The following ITPR1 variants were observed in gnomAD, a reference collection of about 807,000 sequenced individuals.
ITPR1 encodes inositol 1,4,5-trisphosphate receptor type 1, also known as inositol 1,4,5-trisphosphate-gated calcium channel ITPR1.
A neutral mutation model predicts 318.4 loss-of-function variants in ITPR1; 96 were observed. The ratio of observed to expected loss-of-function variants is 0.30; its 90% confidence interval spans 0.26 to 0.36. ITPR1 has a LOEUF of 0.36. Ranked by LOEUF, ITPR1 falls within the 10% of genes least tolerant of loss-of-function variation. The pLI, the probability that ITPR1 is intolerant of heterozygous loss-of-function variation, is 1.00. For missense variants in ITPR1, 2,440 were observed against 3,460.2 expected (o/e 0.71, Z 7.40); for synonymous variants, 1,312 against 1,289.9 (o/e 1.02, Z -0.37).
chr3:4,521,608 G>C (rs532155505), intron 4 of ITPR1, among the ~76,000 whole-genome samples: 1 of 152,276 alleles, frequency 6.6e-6, no homozygotes, highest in East Asian at 1.9e-4. Context: ...TCAGCACTTT[G>C]GGAGGCCAGG....
intron 4 of ITPR1, among the ~76,000 whole-genome samples, chr3:4,543,265 A>AAAAAAAAAGAG (rs1024963790): frequency 1.3e-5 from 2 of 151,858 alleles, no homozygotes; most frequent in Non-Finnish European, 1.5e-5. Context: ...CTGTCTCAAA[A>AAAAAAAAAGAG]AAAAAAAAGA....
At chr3:4,716,824 A>G (rs1038707604) in intron 39 of ITPR1, among the ~76,000 whole-genome samples, 2 of 152,194 alleles carry the variant, frequency 1.3e-5, no homozygotes, top group East Asian at 1.9e-4. Context: ...TAATCATCCT[A>G]GAGGGAATAT....
At chr3:4,620,972 C>A (rs765579331) in intron 4 of ITPR1, among the ~76,000 whole-genome samples, 1 of 151,796 alleles carries the variant, frequency 6.6e-6, no homozygotes, top group Non-Finnish European at 1.5e-5. Flanking sequence ...ATATTTTCAA[C>A]TTACTAGTTG....
chr3:4,814,055 G>T (rs559022027), intron 57 of ITPR1, among the ~76,000 whole-genome samples: 2 of 152,188 alleles, frequency 1.3e-5, no homozygotes, highest in African/African-American at 4.8e-5. Context: ...GTGTCCTGTG[G>T]CATAACCCTC....
At chr3:4,688,451 C>G (rs1172956413) in intron 30 of ITPR1, 44 bp from the exon 31 acceptor site, 54 of 1,608,940 alleles carry the variant, frequency 3.4e-5, no homozygotes, top group Non-Finnish European at 4.6e-5. Flanking sequence ...AAGCTGGTCT[C>G]CTGGCCCAGC....
rs71053444 is a variant in ITPR1, at chr3:4,789,596, G to GTTTTGTTTTTGT, written c.6808+1486_6808+1497dup. Among the ~76,000 whole-genome samples the GTTTTGTTTTTGT allele has an allele frequency of 1.7e-3, 181 of 108,202 alleles. 1 individual carries two copies. Among genetic ancestry groups the GTTTTGTTTTTGT allele is most frequent in the African/African-American group, 2.8e-3 (85 of 30,750 alleles). The allele number at this position is 108,202 out of a possible 152,430, so 71.0% of individuals were successfully genotyped here. On this transcript the variant is annotated intron_variant, in intron 52 of 61. Coordinates refer to ENST00000649015, the MANE Select transcript of ITPR1 (RefSeq NM_001378452.1). ...CAGCTTTAGGGAATAATCCTGAGGT[G>GTTTTGTTTTTGT]TTTTGTTTTTGTTTTTGTTTTTGTT...
intron 4 of ITPR1, among the ~76,000 whole-genome samples, chr3:4,605,908 G>T (rs760094613): frequency 7.9e-5 from 12 of 152,158 alleles, no homozygotes; most frequent in Non-Finnish European, 1.6e-4. Context: ...GCAACAGGGA[G>T]TGGGGCCGAC....
At chr3:4,594,099 T>G (rs1053589229) in intron 4 of ITPR1, among the ~76,000 whole-genome samples, 1 of 152,170 alleles carries the variant, frequency 6.6e-6, no homozygotes, top group Non-Finnish European at 1.5e-5. Context: ...GACTTCGGGC[T>G]TGTTCATTGG....
chr3:4,573,119 A>G (rs1212205302), intron 4 of ITPR1, among the ~76,000 whole-genome samples: 2 of 152,166 alleles, frequency 1.3e-5, no homozygotes, highest in Admixed American at 6.6e-5. Context: ...CGGAATTACT[A>G]GATTATATAG....
intron 4 of ITPR1, among the ~76,000 whole-genome samples, chr3:4,544,559 T>G (rs777653008): frequency 5.3e-5 from 8 of 152,258 alleles, no homozygotes; most frequent in Non-Finnish European, 1.0e-4. Context: ...TTTCTGCTTT[T>G]TGTTAGTGAT....
At chr3:4,792,859 C>A (rs2047660211) in intron 52 of ITPR1, among the ~76,000 whole-genome samples, 1 of 152,116 alleles carries the variant, frequency 6.6e-6, no homozygotes, top group Non-Finnish European at 1.5e-5. Flanking sequence ...TTAAGATGTA[C>A]CACTTGAAGG....
intron 42 of ITPR1, among the ~76,000 whole-genome samples, chr3:4,730,371 ATGTGTGTGTGTG>A (rs369249391): frequency 1.0e-4 from 6 of 57,380 alleles, no homozygotes; most frequent in African/African-American, 3.3e-4. Context: ...GTTGGGTGGA[ATGTGTGTGTGTG>A]TGTGTGTGTG....
intron 37 of ITPR1, among the ~76,000 whole-genome samples, chr3:4,708,442 A>C (rs924766346): frequency 3.3e-5 from 5 of 152,186 alleles, no homozygotes; most frequent in African/African-American, 9.7e-5. Flanking sequence ...TCAAGTTAAG[A>C]ATTTCAGCCT....
chr3:4,721,594 G>T (rs1323318513), intron 40 of ITPR1, among the ~76,000 whole-genome samples: 3 of 152,112 alleles, frequency 2.0e-5, no homozygotes, highest in Non-Finnish European at 4.4e-5. Context: ...GAGTGGAAAG[G>T]AACTCTGAAG....
At position 4,826,330 on chromosome 3, in the gene ITPR1, G is replaced by A. The variant is rs780833311; in HGVS notation, c.8028+8088G>A. On this transcript the variant is annotated intron_variant, in intron 60 of 61. Coordinates refer to ENST00000649015, the MANE Select transcript of ITPR1 (RefSeq NM_001378452.1). The surrounding 1 kb of genome is among the most constrained non-coding windows in gnomAD (Gnocchi z 4.2). ...CCTAACCTGGGAGGCCACGAGCATTGGTTAAAATGTCACCTGGGCTCTGAC... is the reference window on the plus strand; with the variant it reads ...CCTAACCTGGGAGGCCACGAGCATTAGTTAAAATGTCACCTGGGCTCTGAC... Among the ~76,000 whole-genome samples, 17 of 152,334 alleles carry A rather than the reference G, an allele frequency of 1.1e-4. No individual in the cohort carries two copies. The highest frequency in any genetic ancestry group is 2.6e-4 in the Admixed American group (4 of 15,308).
rs564324150 is a variant in ITPR1, at chr3:4,522,827, A to G, written c.163+1733A>G. On this transcript the variant is annotated intron_variant, in intron 4 of 61. Transcript: ENST00000649015. ...CAGGGAGCCATCCCTCCTCCCTAGG[A>G]AGAGATTGATACCCTCGGAACTTAA... Among the ~76,000 whole-genome samples the G allele has an allele frequency of 2.3e-4, 35 of 152,320 alleles. 1 individual carries two copies. In the South Asian group the frequency reaches 7.3e-3, roughly 32 times the overall value.
At chr3:4,630,593 TTA>T (rs1575805381) in intron 5 of ITPR1, among the ~76,000 whole-genome samples, 1 of 148,422 alleles carries the variant, frequency 6.7e-6, no homozygotes, top group East Asian at 2.0e-4. Flanking sequence ...ATTATTATTA[TTA>T]TTATTTTTAA....
chr3:4,662,003 C>G, intron 14 of ITPR1, 79 bp from the exon 15 acceptor site: 1 of 1,265,182 alleles, frequency 7.9e-7, no homozygotes, highest in Non-Finnish European at 1.1e-6. Context: ...CAGCCAGTGT[C>G]TCGTAAATGT....
intron 4 of ITPR1, among the ~76,000 whole-genome samples, chr3:4,588,762 G>C (rs1484504214): frequency 1.3e-5 from 2 of 151,816 alleles, no homozygotes; most frequent in Non-Finnish European, 2.9e-5. Context: ...TCTCCAACTG[G>C]CAGTGTCTCC....
Sources: gnomAD v4.1 joint callset for allele counts (sites outside exome capture counted in the v4.1 genomes callset) on GRCh38, gnomAD v4.1.1 for gene constraint, Gnocchi (gnomAD v3.1) non-coding constraint, MANE v1.5 for transcripts, NCBI Gene and HGNC (gene_info 2026-07-23, HGNC 2026-07-21) for gene names.